NEURL1B: variants seen among roughly 807,000 people sequenced by gnomAD.
The protein encoded by NEURL1B is E3 ubiquitin-protein ligase NEURL1B.
In NEURL1B, 13 loss-of-function variants were observed where a neutral mutation model predicts 37.4. The observed-to-expected ratio is 0.35, with a 90% CI of 0.23 to 0.55. The LOEUF is 0.55. NEURL1B is among the 20% of genes least tolerant of loss of function. The pLI is 0.89. For synonymous variants in NEURL1B, 432 were observed against 426.6 expected (o/e 1.01, Z -0.16); for missense variants, 790 against 879.2 (o/e 0.90, Z 1.28).
At chr5:172,671,979 T>C (rs941298385) in intron 2 of NEURL1B, among the ~76,000 whole-genome samples, 13 of 152,254 alleles carry the variant, frequency 8.5e-5, no homozygotes, top group Non-Finnish European at 1.5e-4. Flanking sequence ...TGAAACTTTC[T>C]GTGCCTCAGA....
intron 2 of NEURL1B, among the ~76,000 whole-genome samples, chr5:172,677,798 GC>G: frequency 6.6e-6 from 1 of 152,208 alleles, no homozygotes; most frequent in South Asian, 2.1e-4. Flanking sequence ...ACACAGAAGA[GC>G]CCCGGTGGCG....
chr5:172,678,232 G>A (rs181627798), intron 2 of NEURL1B, among the ~76,000 whole-genome samples: 99 of 152,248 alleles, frequency 6.5e-4, no homozygotes, highest in Middle Eastern at 3.4e-3. Flanking sequence ...ATGCATATAG[G>A]AAGGCATCTA....
intron 2 of NEURL1B, among the ~76,000 whole-genome samples, chr5:172,682,947 C>T (rs182863555): frequency 2.0e-5 from 3 of 152,256 alleles, no homozygotes; most frequent in Admixed American, 2.0e-4. Context: ...TGAGGTAGCG[C>T]GCGAAAGCTT....
intron 2 of NEURL1B, among the ~76,000 whole-genome samples, chr5:172,670,823 A>G (rs190605892): frequency 6.6e-6 from 1 of 152,274 alleles, no homozygotes; most frequent in East Asian, 1.9e-4. Context: ...CGTCAAACTT[A>G]GGCTCTAATC....
At position 172,686,961 on chromosome 5, in the gene NEURL1B, C is replaced by T; in HGVS notation, c.*36C>T. The T allele has an allele frequency of 6.6e-7, 1 of 1,525,730 alleles. No individual in the cohort carries two copies. The highest frequency in any genetic ancestry group is 8.9e-7 in the Non-Finnish European group (1 of 1,128,204). 94.5% of individuals were successfully genotyped at this position (1,525,730 alleles called of 1,614,324 possible). On this transcript the variant is annotated 3_prime_UTR_variant, in exon 5 of 5. Transcript: ENST00000369800. This position sits in a 1 kb window ranked among gnomAD's most constrained non-coding sequence, Gnocchi z 7.9. ...CCACGGGCCTTGGCCGGTGCAAGGT[C>T]ACCTTTCTGAAGGCCCCCTGGGCTG...
chr5:172,667,529 C>A (rs1211457786), intron 1 of NEURL1B, among the ~76,000 whole-genome samples: 1 of 151,980 alleles, frequency 6.6e-6, no homozygotes, highest in African/African-American at 2.4e-5. Context: ...AGCAAGTAGA[C>A]TGAATGTTTT....
chr5:172,666,181 AACCACC>A (rs112793091), intron 1 of NEURL1B, among the ~76,000 whole-genome samples: 2 of 148,240 alleles, frequency 1.3e-5, no homozygotes, highest in South Asian at 4.3e-4. Flanking sequence ...AACAAACAAC[AACCACC>A]ACCACCACCA....
chr5:172,653,336 A>G (rs113957196), intron 1 of NEURL1B, among the ~76,000 whole-genome samples: 4 of 152,290 alleles, frequency 2.6e-5, no homozygotes, highest in African/African-American at 7.2e-5. Context: ...CAATGCTTCC[A>G]GTATGATTTT....
intron 3 of NEURL1B, 101 bp downstream of exon 3, chr5:172,684,239 G>A (rs1758436345): frequency 9.8e-7 from 1 of 1,015,472 alleles, no homozygotes; most frequent in South Asian, 5.0e-5. Context: ...CTCGCTAGGC[G>A]CTGCACCGCC....
chr5:172,663,070 C>T (rs780687963), intron 1 of NEURL1B, among the ~76,000 whole-genome samples: 34 of 94,354 alleles, frequency 3.6e-4, no homozygotes, highest in Non-Finnish European at 5.2e-4. Context: ...TAATAATAGC[C>T]GGGTGTGGTG....
rs370966963 is a variant in NEURL1B at position 172,645,105 on chromosome 5, G to A, written c.31+3668G>A. ...AGCTTTGGAGTGAGGAAAGTGTGTT[G>A]ATCCCGCTCTATATCAAGCCCTTGG... On this transcript the variant is annotated intron_variant, in intron 1 of 4. Transcript: ENST00000369800. 3.3e-5 allele frequency among the ~76,000 whole-genome samples: 5 copies of A among 152,208 alleles called. No individual in the cohort carries two copies. The East Asian group carries it at 9.6e-4, about 29-fold the overall frequency.
intron 3 of NEURL1B, among the ~76,000 whole-genome samples, chr5:172,684,811 C>T (rs756195499): frequency 3.3e-5 from 5 of 152,198 alleles, no homozygotes; most frequent in Non-Finnish European, 5.9e-5. Context: ...AGGAGAGTTG[C>T]ACGGTGTGAC....
intron 2 of NEURL1B, among the ~76,000 whole-genome samples, chr5:172,677,209 AACAG>A (rs1443418504): frequency 6.6e-6 from 1 of 151,818 alleles, no homozygotes; most frequent in African/African-American, 2.4e-5. Flanking sequence ...CTTTTTTCCA[AACAG>A]ACCAGGCCAG....
At chr5:172,671,562 C>T (rs978403673) in intron 2 of NEURL1B, among the ~76,000 whole-genome samples, 4 of 152,338 alleles carry the variant, frequency 2.6e-5, no homozygotes, top group Middle Eastern at 6.8e-3. Context: ...CAGTATTTAT[C>T]CATTGGTATC....
At chr5:172,674,228 T>C (rs569765831) in intron 2 of NEURL1B, among the ~76,000 whole-genome samples, 25 of 152,028 alleles carry the variant, frequency 1.6e-4, no homozygotes, top group Non-Finnish European at 3.5e-4. Flanking sequence ...ATCCACCCCA[T>C]CTTGTGGGGC....
chr5:172,679,487 A>G (rs1235917442), intron 2 of NEURL1B, among the ~76,000 whole-genome samples: 1 of 152,218 alleles, frequency 6.6e-6, no homozygotes, highest in Non-Finnish European at 1.5e-5. Flanking sequence ...ATTTCTGCCT[A>G]TAGCCGACTG....
chr5:172,653,451 T>TA (rs1561642269), intron 1 of NEURL1B, among the ~76,000 whole-genome samples: 1 of 152,216 alleles, frequency 6.6e-6, no homozygotes, highest in African/African-American at 2.4e-5. Flanking sequence ...GACCATAAGG[T>TA]AAAATGTTTA....
intron 2 of NEURL1B, among the ~76,000 whole-genome samples, chr5:172,672,355 C>G (rs1758145303): frequency 6.6e-6 from 1 of 152,082 alleles, no homozygotes; most frequent in African/African-American, 2.4e-5. Flanking sequence ...GCTCTTTTTT[C>G]CTATCCAGCA....
At chr5:172,685,422 C>T (rs1758473908) in intron 3 of NEURL1B, among the ~76,000 whole-genome samples, 1 of 152,168 alleles carries the variant, frequency 6.6e-6, no homozygotes, top group South Asian at 2.1e-4. Context: ...GTCCATTCAT[C>T]CTCAGGTAGG....
Sources: allele counts gnomAD v4.1 joint callset (sites outside exome capture counted in the v4.1 genomes callset), GRCh38; gene constraint gnomAD v4.1.1; non-coding constraint Gnocchi (gnomAD v3.1); transcripts MANE v1.5; gene names NCBI Gene and HGNC (gene_info 2026-07-23, HGNC 2026-07-21).